The following UNC45A variants were observed in gnomAD, a reference collection of about 807,000 sequenced individuals.
The protein encoded by UNC45A is protein unc-45 homolog A.
A neutral mutation model predicts 103.2 loss-of-function variants in UNC45A; 78 were observed. The observed-to-expected ratio is 0.76, with a 90% CI of 0.63 to 0.91. UNC45A has a LOEUF of 0.91. Among genes scored for constraint, UNC45A ranks in the 40% least tolerant of loss-of-function variants. The pLI is 0.00. For missense variants in UNC45A, 1,193 were observed against 1,224.8 expected, an observed-to-expected ratio of 0.97 and a Z score of 0.39; for synonymous variants, 495 against 504.6, an observed-to-expected ratio of 0.98 and a Z score of 0.25.
upstream of UNC45A, chr15:90,932,608 C>A: frequency 1.1e-6 from 1 of 925,324 alleles, no homozygotes; most frequent in Non-Finnish European, 1.4e-6. Context: ...CCCCCTGGCG[C>A]CGGGGAGGCC....
upstream of UNC45A, chr15:90,931,252 C>G (rs2151347626): frequency 6.4e-7 from 1 of 1,550,656 alleles, no homozygotes; most frequent in East Asian, 2.4e-5. Flanking sequence ...GGAGTTGTGC[C>G]TCTGGATAGC....
Position 90,953,721 on chromosome 15 carries a change from G to A in UNC45A, c.*5G>A. ...CCCAACCAAGATGGAGAGTGAGGGG[G>A]TTGTCCCTGGGCCCAAGGCTCATGC... On this transcript the variant is annotated 3_prime_UTR_variant, in exon 20 of 20. Coordinates refer to ENST00000418476, the MANE Select transcript of UNC45A (RefSeq NM_018671.5). The A allele has an allele frequency of 6.2e-7, 1 of 1,612,868 alleles. No individual in the cohort carries two copies. Among genetic ancestry groups the A allele is most frequent in the East Asian group, 2.2e-5 (1 of 44,856 alleles).
chr15:90,945,817 G>C lies in UNC45A; in HGVS notation c.1199+754G>C, dbSNP rs1218226936. Among the ~76,000 whole-genome samples, 8 of 151,376 alleles carry C rather than the reference G, an allele frequency of 5.3e-5. No homozygotes were observed. The East Asian group carries it at 1.6e-3, about 30-fold the overall frequency. The stretch of plus-strand genomic sequence containing the variant: ...CTGGCTAATTTTTGTATTTTTAGTA[G>C]AGATGGGGTTTCACCATGTTGGCCA... On this transcript the variant is annotated intron_variant, in intron 9 of 19. Transcript: ENST00000418476.
chr15:90,939,506 C>T (rs767015020), intron 4 of UNC45A, among the ~76,000 whole-genome samples: 3 of 152,176 alleles, frequency 2.0e-5, no homozygotes, highest in Non-Finnish European at 2.9e-5. Flanking sequence ...CGGCGCAGCC[C>T]CTGCTGCCCA....
At position 90,942,599 on chromosome 15, in the gene UNC45A, A is replaced by G; in HGVS notation, c.850A>G (p.Ile284Val). The G allele has an allele frequency of 6.2e-7, 1 of 1,614,172 alleles. No individual in the cohort carries two copies. Among genetic ancestry groups the G allele is most frequent in the Non-Finnish European group, 8.5e-7 (1 of 1,180,040 alleles). Residue 284 changes from isoleucine (I) to valine (V), a missense_variant, in exon 7 of 20, where the codon ATT becomes GTT. Ile to Val is a conservative substitution (Grantham distance 29). Coordinates refer to ENST00000418476, the MANE Select transcript of UNC45A (RefSeq NM_018671.5). The stretch of plus-strand genomic sequence containing the variant: ...CTTCCGAGGCAAAGAAGGTGCCATC[A>G]TTGTGGGTGAGTGGAAGCAGGTCTG... Reference protein sequence around the residue: ...KGFRGKEGAIIVDPARELKVL... With the variant: ...KGFRGKEGAIVVDPARELKVL...
At chr15:90,943,425 TCAAAAAAAAAAA>T (rs2036394177) in intron 8 of UNC45A, among the ~76,000 whole-genome samples, 1 of 93,700 alleles carries the variant, frequency 1.1e-5, no homozygotes, top group African/African-American at 5.8e-5. Flanking sequence ...GGAGACTGTC[TCAAAAAAAAAAA>T]AAAAAAAAAG....
intron 13 of UNC45A, 28 bp from the exon 14 acceptor site, chr15:90,949,288 C>T (rs2036756279): frequency 1.2e-6 from 2 of 1,605,444 alleles, no homozygotes; most frequent in Non-Finnish European, 8.5e-7. Flanking sequence ...CAGCCTAGGC[C>T]CCTCTCCTAA....
chr15:90,942,754 C>T (rs763196275), intron 7 of UNC45A, 149 bp downstream of exon 7: 24 of 1,493,898 alleles, frequency 1.6e-5, no homozygotes, highest in Non-Finnish European at 2.2e-5. Context: ...TCTAGATTCT[C>T]AGCAACCAAG....
upstream of UNC45A, chr15:90,932,073 A>G: frequency 6.2e-7 from 1 of 1,610,978 alleles, no homozygotes; most frequent in Non-Finnish European, 8.5e-7. Flanking sequence ...CCACAATGTC[A>G]GTGATTCCCG....
At position 90,946,872 on chromosome 15, in the gene UNC45A, T is replaced by A; in HGVS notation, c.1458T>A (p.Tyr486Ter). 6.4e-7 allele frequency: 1 copy of A among 1,565,232 alleles called. No individual in the cohort carries two copies. Among genetic ancestry groups the A allele is most frequent in the East Asian group, 2.5e-5 (1 of 40,762 alleles). ...ANGVSLLKDL[Y>*]KCSEKDSIRI... ...GTGTCTCGCTGCTGAAGGACCTATA[T>A]AAGTGCAGCGAGAAGGACAGCATCC... Residue 486 changes from tyrosine (Y) to a stop codon, truncating the protein, a stop_gained, in exon 10 of 20, where the codon TAT (tyrosine) becomes TAA (stop). Transcript: ENST00000418476. LOFTEE classifies it high-confidence loss of function.
intron 6 of UNC45A, among the ~76,000 whole-genome samples, chr15:90,942,094 T>G (rs74039159): frequency 0.01 from 1,532 of 152,196 alleles, 21 homozygotes; most frequent in African/African-American, 0.032. Flanking sequence ...ACTAGACCAT[T>G]AAGCCTGGTG....
rs903169655 is a variant in UNC45A, at chr15:90,950,182, C to A, written c.2102C>A (p.Thr701Lys). The A allele has an allele frequency of 6.4e-7, 1 of 1,551,538 alleles. No homozygotes were observed. The highest frequency in any genetic ancestry group is 8.7e-7 in the Non-Finnish European group (1 of 1,147,008). The stretch of plus-strand genomic sequence containing the variant: ...CTGATCCCGCTGGCCCTGGAAGGCA[C>A]GGACGTGGGGCAGACAAAGGCAGCC... ...RALIPLALEG[T>K]DVGQTKAAQA... The change falls in exon 16 of 20, where the codon ACG (threonine) becomes AAG (lysine). Residue 701 changes from threonine (T) to lysine (K), a missense_variant. By Grantham distance (78) the Thr-to-Lys change is moderately conservative (BLOSUM62 -1). Coordinates refer to ENST00000418476, the MANE Select transcript of UNC45A (RefSeq NM_018671.5).
At chr15:90,935,904 G>A in intron 2 of UNC45A, 42 bp from the exon 3 acceptor site, 2 of 1,613,672 alleles carry the variant, frequency 1.2e-6, no homozygotes, top group Non-Finnish European at 1.7e-6. Context: ...TGCCCCGAGA[G>A]GGAGATGACC....
rs568587317 is a variant in UNC45A at position 90,951,717 on chromosome 15, A to G, written c.2303+1102A>G. On this transcript the variant is annotated intron_variant, in intron 17 of 19. Coordinates refer to ENST00000418476, the MANE Select transcript of UNC45A (RefSeq NM_018671.5). The stretch of plus-strand genomic sequence containing the variant: ...AACGGCACATGGTTACCTGTGTAAC[A>G]AACCTGCACGTCCTGCACATGTACC... 3.3e-5 allele frequency among the ~76,000 whole-genome samples: 5 copies of G among 152,358 alleles called. No homozygotes were observed. The South Asian group carries it at 1.0e-3, about 32-fold the overall frequency.
In UNC45A at chr15:90,949,718, A is replaced by C. The variant is rs1317803381; in HGVS notation, c.2071A>C (p.Arg691=). 2 of 1,613,998 alleles carry C rather than the reference A, an allele frequency of 1.2e-6. No individual in the cohort carries two copies. The highest frequency in any genetic ancestry group is 1.7e-6 in the Non-Finnish European group (2 of 1,180,014). ...CACTGTGGTTGCCCAGGGAGGCGGC[A>C]GGGTAAGCTGGTTTACACACCCCTT... ...RGTVVAQGGG[R]ALIPLALEGT... is the part of the protein sequence containing the mutation. Residue 691 remains arginine, a splice_region_variant and synonymous_variant, in exon 15 of 20, where the codon AGG becomes CGG. Coordinates refer to ENST00000418476, the MANE Select transcript of UNC45A (RefSeq NM_018671.5).
At chr15:90,943,211 G>A (rs2036383179) in intron 8 of UNC45A, 129 bp downstream of exon 8, 1 of 1,173,784 alleles carries the variant, frequency 8.5e-7, no homozygotes, top group Middle Eastern at 2.2e-4. Flanking sequence ...GGGGTCACTT[G>A]AAGCCGGGAG....
upstream of UNC45A, chr15:90,931,508 G>T (rs1052535): frequency 8.1e-6 from 13 of 1,613,882 alleles, no homozygotes; most frequent in Non-Finnish European, 1.0e-5. Flanking sequence ...GTTCCTGATG[G>T]AATGAGCTGT....
chr15:90,930,262 G>A (rs1317577341), intron 1 of UNC45A: 2 of 152,228 alleles, frequency 1.3e-5, no homozygotes, highest in Non-Finnish European at 2.9e-5. Context: ...TGAGGTACTG[G>A]GGAACCGGAA....
intron 4 of UNC45A, among the ~76,000 whole-genome samples, chr15:90,938,864 G>A (rs1003146933): frequency 6.6e-6 from 1 of 151,958 alleles, no homozygotes; most frequent in Non-Finnish European, 1.5e-5. Flanking sequence ...TAGAGACGGG[G>A]TTTCACCATG....
Sources: allele counts gnomAD v4.1 joint callset (sites outside exome capture counted in the v4.1 genomes callset), GRCh38; gene constraint gnomAD v4.1.1; transcripts MANE v1.5; gene names NCBI Gene and HGNC (gene_info 2026-07-23, HGNC 2026-07-21).